Variants in ZNF148 observed in about 807,000 individuals in gnomAD.
ZNF148 encodes Beta-Enolase Repressor Factor-1.
A neutral mutation model predicts 67.7 loss-of-function variants in ZNF148; 7 were observed. The ratio of observed to expected loss-of-function variants is 0.10; its 90% CI spans 0.06 to 0.19. The LOEUF is 0.19. ZNF148 is among the 10% of genes least tolerant of loss of function. The pLI is 1.00. For missense variants in ZNF148, 583 were observed against 947.1 expected, an observed-to-expected ratio of 0.62 and a Z score of 5.05; for synonymous variants, 333 against 330.7, an observed-to-expected ratio of 1.01 and a Z score of -0.08.
chr3:125,321,822 TA>T (rs529729432), intron 3 of ZNF148, among the ~76,000 whole-genome samples: 55 of 152,130 alleles, frequency 3.6e-4, no homozygotes, highest in African/African-American at 1.2e-3. Flanking sequence ...ATAAATATTT[TA>T]AAAAAACTTC....
rs555582254 is a variant in ZNF148 at position 125,357,467 on chromosome 3, C to T, written c.-234+17635G>A. On this transcript the variant is annotated intron_variant, in intron 1 of 8. Coordinates refer to ENST00000360647, the MANE Select transcript of ZNF148 (RefSeq NM_021964.3). ...GGTGGGCAAAAGCCCGTCCTCCCCC[C>T]CTTCCAGGGCCTGCTCACTTCAGGG... 7.2e-5 allele frequency among the ~76,000 whole-genome samples: 11 copies of T among 152,364 alleles called. No homozygotes were observed. The South Asian group carries it at 8.3e-4, about 11-fold the overall frequency.
At chr3:125,235,552 T>A (rs75800675) in intron 7 of ZNF148, among the ~76,000 whole-genome samples, 1,606 of 152,296 alleles carry the variant, frequency 0.011, 27 homozygotes, top group African/African-American at 0.036. Flanking sequence ...AAGGTATCTT[T>A]AAGTTTCCAC....
chr3:125,245,317 C>T lies in ZNF148; in HGVS notation c.668-10988G>A, dbSNP rs116318656. On this transcript the variant is annotated intron_variant, in intron 7 of 8. Transcript: ENST00000360647. Reference sequence around the variant, plus strand: ...CCGTTCTCCTGATAGTGAGTTCTCACGAGATCTGACTGCTTTCTAAAACAA... The same window carrying T: ...CCGTTCTCCTGATAGTGAGTTCTCATGAGATCTGACTGCTTTCTAAAACAA... Among the ~76,000 whole-genome samples, 1,425 of 152,246 alleles carry T rather than the reference C, an allele frequency of 9.4e-3. 13 individuals carry two copies. Among genetic ancestry groups the T allele is most frequent in the African/African-American group, 0.02 (814 of 41,538 alleles).
At position 125,325,073 on chromosome 3, in the gene ZNF148, A is replaced by T. The variant is rs191520445; in HGVS notation, c.-152-1629T>A. 6.6e-5 allele frequency among the ~76,000 whole-genome samples: 10 copies of T among 152,312 alleles called. No individual in the cohort carries two copies. The East Asian group carries it at 1.9e-3, about 29-fold the overall frequency. On this transcript the variant is annotated intron_variant, in intron 2 of 8. Transcript: ENST00000360647. The stretch of plus-strand genomic sequence containing the variant: ...ATATTATGTAAAATATCTATTATAC[A>T]TATGTTAAATATGTTAAAAGGAACT...
At chr3:125,326,799 T>C (rs1941045197) in intron 2 of ZNF148, among the ~76,000 whole-genome samples, 1 of 147,580 alleles carries the variant, frequency 6.8e-6, no homozygotes, top group Non-Finnish European at 1.5e-5. Flanking sequence ...TCAAGATATC[T>C]TTTTATATAT....
At chr3:125,341,893 C>T (rs985245357) in intron 1 of ZNF148, among the ~76,000 whole-genome samples, 5 of 149,588 alleles carry the variant, frequency 3.3e-5, no homozygotes, top group East Asian at 2.0e-4. Context: ...CTACTCAGGA[C>T]GCTAAGGTAG....
At chr3:125,307,813 T>G (rs1579762036) in intron 4 of ZNF148, among the ~76,000 whole-genome samples, 1 of 8,624 alleles carries the variant, frequency 1.2e-4, no homozygotes, top group African/African-American at 1.0e-3. Context: ...CCCAGATAAT[T>G]TTTTTTTTTT....
At chr3:125,337,775 G>A (rs748178190) in intron 1 of ZNF148, among the ~76,000 whole-genome samples, 1 of 152,068 alleles carries the variant, frequency 6.6e-6, no homozygotes, top group African/African-American at 2.4e-5. Flanking sequence ...GTTAAGTAAC[G>A]AAGATTACAC....
intron 1 of ZNF148, among the ~76,000 whole-genome samples, chr3:125,360,758 C>T (rs1248008829): frequency 6.6e-6 from 1 of 150,450 alleles, no homozygotes; most frequent in East Asian, 1.9e-4. Flanking sequence ...GAGGGAAGAT[C>T]GCTTGAGACC....
chr3:125,300,303 A>G (rs981333859), intron 4 of ZNF148, among the ~76,000 whole-genome samples: 2 of 152,006 alleles, frequency 1.3e-5, no homozygotes, highest in African/African-American at 4.8e-5. Flanking sequence ...CTCTTGAAAC[A>G]TATATCCCCA....
intron 5 of ZNF148, among the ~76,000 whole-genome samples, chr3:125,280,216 T>A (rs1048580316): frequency 6.6e-6 from 1 of 152,008 alleles, no homozygotes; most frequent in Non-Finnish European, 1.5e-5. Flanking sequence ...TTCAGTTTTT[T>A]AAAAAATAGA....
chr3:125,280,780 C>T (rs1335269381), intron 5 of ZNF148, among the ~76,000 whole-genome samples: 1 of 118,484 alleles, frequency 8.4e-6, no homozygotes, highest in African/African-American at 3.2e-5. Flanking sequence ...AAAAAAGGCA[C>T]AACATTATGC....
chr3:125,330,970 A>C (rs1334297745), intron 2 of ZNF148, among the ~76,000 whole-genome samples, 188 bp downstream of exon 2: 1 of 152,134 alleles, frequency 6.6e-6, no homozygotes, highest in Non-Finnish European at 1.5e-5. Context: ...CTATGTACAT[A>C]TGTCCATATC....
chr3:125,295,888 C>A (rs550330699), intron 4 of ZNF148, among the ~76,000 whole-genome samples: 2 of 152,192 alleles, frequency 1.3e-5, no homozygotes, highest in East Asian at 3.9e-4. Flanking sequence ...ATGAAAAGCA[C>A]CTTGAACACC....
intron 7 of ZNF148, among the ~76,000 whole-genome samples, chr3:125,238,707 T>G (rs772983734): frequency 3.9e-5 from 6 of 152,228 alleles, no homozygotes; most frequent in Non-Finnish European, 7.3e-5. Context: ...AGTTTGGCAC[T>G]TCCTCGAAAA....
chr3:125,351,196 G>A (rs1942136234), intron 1 of ZNF148, among the ~76,000 whole-genome samples: 1 of 151,954 alleles, frequency 6.6e-6, no homozygotes, highest in African/African-American at 2.4e-5. Context: ...AACAGAATGA[G>A]ACCCAGTCTC....
chr3:125,360,264 C>CT (rs1176787968), intron 1 of ZNF148, among the ~76,000 whole-genome samples: 1 of 150,798 alleles, frequency 6.6e-6, no homozygotes. Context: ...TTACCTTCAT[C>CT]TTTTTTTTTA....
chr3:125,320,550 T>C (rs1237552486), intron 3 of ZNF148, among the ~76,000 whole-genome samples: 1 of 152,198 alleles, frequency 6.6e-6, no homozygotes, highest in Non-Finnish European at 1.5e-5. Context: ...TTTTGAATAA[T>C]ATGGAACTTC....
chr3:125,331,267 C>T (rs754119266), intron 1 of ZNF148, 29 bp from the exon 2 acceptor site: 3 of 398,318 alleles, frequency 7.5e-6, no homozygotes, highest in Non-Finnish European at 1.3e-5. Context: ...ACAGGTTAAC[C>T]CCCAAAAGAA....
Sources: gnomAD v4.1 joint callset for allele counts (sites outside exome capture counted in the v4.1 genomes callset) on GRCh38, gnomAD v4.1.1 for gene constraint, MANE v1.5 for transcripts, NCBI Gene and HGNC (gene_info 2026-07-23, HGNC 2026-07-21) for gene names.